CACNA1C: variants seen among roughly 807,000 people sequenced by gnomAD.
CACNA1C encodes voltage-dependent L-type calcium channel subunit alpha-1C.
Under a neutral mutation model 229.0 loss-of-function variants are expected in CACNA1C, and 30 were observed. The ratio of observed to expected loss-of-function variants is 0.13; its 90% CI spans 0.10 to 0.18. The LOEUF is 0.18. Among genes scored for constraint, CACNA1C ranks in the 10% least tolerant of loss-of-function variants. The pLI, the probability that CACNA1C is intolerant of heterozygous loss-of-function variation, is 1.00. For missense variants in CACNA1C, 1,658 were observed against 2,845.0 expected (o/e 0.58, Z 9.49); for synonymous variants, 1,114 against 1,132.5 (o/e 0.98, Z 0.33).
rs367742759 is a variant in CACNA1C at position 2,073,936 on chromosome 12, G to A, written c.49+20325G>A. ...TCTGTTGAAAGGACCCTGAACCATT[G>A]CCTAAGCTCCTAGGGGAAAGTGTTC... On this transcript the variant is annotated intron_variant, in intron 1 of 46. Transcript: ENST00000399655. Among the ~76,000 whole-genome samples the A allele has an allele frequency of 5.3e-5, 8 of 152,320 alleles. 1 individual carries two copies. The South Asian group carries it at 1.7e-3, about 32-fold the overall frequency.
intron 1 of CACNA1C, among the ~76,000 whole-genome samples, chr12:2,076,181 C>T (rs567235390): frequency 2.6e-5 from 4 of 152,322 alleles, no homozygotes; most frequent in African/African-American, 7.2e-5. Flanking sequence ...GGCTTGCCTT[C>T]GATTCCCATC....
chr12:2,102,389 T>C (rs935464495), intron 1 of CACNA1C, among the ~76,000 whole-genome samples: 2 of 152,076 alleles, frequency 1.3e-5, no homozygotes. Context: ...AGTATTAGAC[T>C]TTAACTCATC....
chr12:2,133,533 A>T, intron 3 of CACNA1C, among the ~76,000 whole-genome samples: 1 of 23,984 alleles, frequency 4.2e-5, no homozygotes, highest in Non-Finnish European at 6.9e-5. Context: ...TTCAAAGAAC[A>T]TCTTTATTTC....
intron 3 of CACNA1C, among the ~76,000 whole-genome samples, chr12:2,320,664 G>A (rs1466068268): frequency 2.0e-5 from 3 of 152,150 alleles, no homozygotes; most frequent in Non-Finnish European, 4.4e-5. Context: ...GGTTCTTTCT[G>A]TGTTACTCTG....
At chr12:2,482,078 C>G in intron 5 of CACNA1C, among the ~76,000 whole-genome samples, 1 of 152,230 alleles carries the variant, frequency 6.6e-6, no homozygotes, top group East Asian at 1.9e-4. Context: ...ACATCCAGGC[C>G]CTGAGAGCCA....
At chr12:2,238,580 C>T (rs1465315689) in intron 3 of CACNA1C, among the ~76,000 whole-genome samples, 1 of 152,200 alleles carries the variant, frequency 6.6e-6, no homozygotes, top group Non-Finnish European at 1.5e-5. Context: ...GTAGCTCTGA[C>T]AGGCCTCAAA....
intron 3 of CACNA1C, among the ~76,000 whole-genome samples, chr12:2,284,369 T>A (rs2092255564): frequency 6.6e-6 from 1 of 151,990 alleles, no homozygotes; most frequent in Non-Finnish European, 1.5e-5. Context: ...CAAAGTTTCT[T>A]GCGGTTTTAG....
At chr12:2,676,945 TTC>T (rs577383318) in intron 39 of CACNA1C, 147 bp from the exon 40 acceptor site, 88 of 625,584 alleles carry the variant, frequency 1.4e-4, no homozygotes, top group Middle Eastern at 2.6e-4. Context: ...ATGGTTTTTT[TTC>T]TCTCTTTTTA....
intron 3 of CACNA1C, among the ~76,000 whole-genome samples, chr12:2,322,351 G>A (rs2096048450): frequency 6.6e-6 from 1 of 152,188 alleles, no homozygotes; most frequent in South Asian, 2.1e-4. Context: ...TAAGGGCTGG[G>A]AGGGCCCGAG....
At chr12:2,097,292 C>T (rs544081665) in intron 1 of CACNA1C, among the ~76,000 whole-genome samples, 20 of 152,162 alleles carry the variant, frequency 1.3e-4, no homozygotes, top group African/African-American at 3.9e-4. Flanking sequence ...ACTACAGGCG[C>T]CTGCCACCAC....
At chr12:2,532,101 T>C (rs1348546067) in intron 9 of CACNA1C, among the ~76,000 whole-genome samples, 1 of 152,230 alleles carries the variant, frequency 6.6e-6, no homozygotes, top group Non-Finnish European at 1.5e-5. Flanking sequence ...CTCACACTAA[T>C]TGCTTTTCTG....
chr12:2,301,136 G>A (rs1190807946), intron 3 of CACNA1C, among the ~76,000 whole-genome samples: 3 of 152,186 alleles, frequency 2.0e-5, no homozygotes, highest in Admixed American at 2.0e-4. Flanking sequence ...ACTTAGCACG[G>A]CCCAAGAGCA....
intron 14 of CACNA1C, 125 bp downstream of exon 14, chr12:2,581,922 C>T (rs927106520): frequency 4.1e-5 from 24 of 587,510 alleles, no homozygotes; most frequent in Non-Finnish European, 6.1e-6. Context: ...CCCTGGAGAG[C>T]CCATGCCCGG....
At chr12:1,996,924 A>G (rs1399331630) in intron 1 of CACNA1C, among the ~76,000 whole-genome samples, 1 of 152,184 alleles carries the variant, frequency 6.6e-6, no homozygotes, top group East Asian at 1.9e-4. Flanking sequence ...AGTGAAACAG[A>G]TACCCCTAGA....
chr12:1,977,347 C>G (rs916179427), intron 1 of CACNA1C, among the ~76,000 whole-genome samples: 1 of 152,138 alleles, frequency 6.6e-6, no homozygotes, highest in African/African-American at 2.4e-5. Context: ...CCGTCTCTAC[C>G]ATGAAGTGGG....
Position 2,319,662 on chromosome 12 carries a change from CTT to C in CACNA1C, c.478-129312_478-129311del, listed in dbSNP as rs1384602136. Among the ~76,000 whole-genome samples, 1 of 152,150 alleles carries C rather than the reference CTT, an allele frequency of 6.6e-6. No homozygotes were observed. Among genetic ancestry groups the C allele is most frequent in the African/African-American group, 2.4e-5 (1 of 41,428 alleles). On this transcript the variant is annotated intron_variant, in intron 3 of 46. Coordinates refer to ENST00000399655, the MANE Select transcript of CACNA1C (RefSeq NM_000719.7). The surrounding 1 kb of genome is among the most constrained non-coding windows in gnomAD (Gnocchi z 4.0). ...ATCTTCTTCAGACATTTCTTTTACT[CTT>C]TGGCTTGCTCTTGCTGTGTATTAAA...
intron 1 of CACNA1C, among the ~76,000 whole-genome samples, chr12:2,027,795 T>C (rs2047587883): frequency 1.3e-5 from 2 of 152,220 alleles, no homozygotes; most frequent in African/African-American, 2.4e-5. Context: ...TGAAGTTTTA[T>C]GAAGAATTAA....
chr12:2,385,632 C>G (rs1049397288), intron 3 of CACNA1C, among the ~76,000 whole-genome samples: 3 of 152,184 alleles, frequency 2.0e-5, no homozygotes, highest in African/African-American at 7.2e-5. Flanking sequence ...GTTCACCTGT[C>G]ACTCTGTGGC....
intron 1 of CACNA1C, chr12:1,993,543 G>C (rs2040010865): frequency 1.1e-6 from 1 of 881,108 alleles, no homozygotes; most frequent in African/African-American, 1.7e-5. Flanking sequence ...TTCACCACTG[G>C]CATCATTATG....
Sources: allele counts gnomAD v4.1 joint callset (sites outside exome capture counted in the v4.1 genomes callset), GRCh38; gene constraint gnomAD v4.1.1; non-coding constraint Gnocchi (gnomAD v3.1); transcripts MANE v1.5; gene names NCBI Gene and HGNC (gene_info 2026-07-23, HGNC 2026-07-21).